The following INPP4B variants were observed in gnomAD, a reference collection of about 807,000 sequenced individuals.
INPP4B encodes the protein inositol polyphosphate 4-phosphatase type II.
A neutral mutation model predicts 122.5 loss-of-function variants in INPP4B; 55 were observed. That is an observed-to-expected ratio of 0.45 (90% CI 0.36 to 0.56). The LOEUF (loss-of-function observed/expected upper bound fraction) is 0.56, where lower values mean the gene tolerates loss of function less well. INPP4B is among the 20% of genes least tolerant of loss of function. The pLI is 0.00. For missense variants in INPP4B, 1,000 were observed against 1,097.7 expected, an observed-to-expected ratio of 0.91 and a Z score of 1.26; for synonymous variants, 403 against 388.7, an observed-to-expected ratio of 1.04 and a Z score of -0.43.
intron 11 of INPP4B, among the ~76,000 whole-genome samples, chr4:142,257,028 C>A (rs1053507724): frequency 6.6e-6 from 1 of 152,126 alleles, no homozygotes; most frequent in African/African-American, 2.4e-5. Context: ...GGTTTCATCC[C>A]TAGGATGCAA....
chr4:142,554,324 A>G (rs570503715), intron 2 of INPP4B, among the ~76,000 whole-genome samples: 97 of 148,732 alleles, frequency 6.5e-4, no homozygotes, highest in Non-Finnish European at 7.5e-4. Flanking sequence ...CTCCTCCACC[A>G]ACTCCATAGT....
intron 2 of INPP4B, among the ~76,000 whole-genome samples, chr4:142,487,375 G>A (rs1270325029): frequency 1.3e-5 from 2 of 152,228 alleles, no homozygotes; most frequent in East Asian, 3.9e-4. Flanking sequence ...AGTAAAATTT[G>A]AAAGTAGAGA....
chr4:142,419,862 C>T (rs1421518061), intron 5 of INPP4B, among the ~76,000 whole-genome samples: 1 of 152,046 alleles, frequency 6.6e-6, no homozygotes, highest in Non-Finnish European at 1.5e-5. Flanking sequence ...GGGGACCTCT[C>T]TCTCTCCCAA....
In INPP4B at chr4:142,251,089, A is replaced by G. The variant is rs562202201; in HGVS notation, c.688+9403T>C. 7.5e-4 allele frequency among the ~76,000 whole-genome samples: 114 copies of G among 152,314 alleles called. 1 individual carries two copies. The highest frequency in any genetic ancestry group is 2.3e-3 in the African/African-American group (96 of 41,566). Reference sequence around the variant, plus strand: ...TGGAGAGGTAAAGATCTATTTTTCAATATGATCTCTGTGTCTCTTCTTCCA... The same window carrying G: ...TGGAGAGGTAAAGATCTATTTTTCAGTATGATCTCTGTGTCTCTTCTTCCA... On this transcript the variant is annotated intron_variant, in intron 11 of 25. Transcript: ENST00000262992.
At chr4:142,555,036 A>G (rs72726448) in intron 2 of INPP4B, among the ~76,000 whole-genome samples, 8,761 of 152,216 alleles carry the variant, frequency 0.058, 312 homozygotes, top group Admixed American at 0.063. Context: ...GATTTAAAAG[A>G]CTGGCCCCCA....
intron 7 of INPP4B, among the ~76,000 whole-genome samples, chr4:142,371,412 A>T (rs1300956861): frequency 2.6e-5 from 4 of 152,174 alleles, no homozygotes; most frequent in Non-Finnish European, 5.9e-5. Flanking sequence ...GCAGAAAGAA[A>T]ATTAGACAAA....
At chr4:142,274,887 AT>A (rs1276797315) in intron 9 of INPP4B, among the ~76,000 whole-genome samples, 1 of 151,816 alleles carries the variant, frequency 6.6e-6, no homozygotes, top group Non-Finnish European at 1.5e-5. Flanking sequence ...CTGCTGCAGT[AT>A]TTCAATCACA....
chr4:142,768,515 G>A (rs1333147049), intron 1 of INPP4B, among the ~76,000 whole-genome samples: 1 of 152,170 alleles, frequency 6.6e-6, no homozygotes, highest in African/African-American at 2.4e-5. Context: ...GAATGGCCAT[G>A]GAGATGACTG....
intron 2 of INPP4B, among the ~76,000 whole-genome samples, chr4:142,478,068 G>A (rs963939611): frequency 7.2e-5 from 11 of 152,158 alleles, no homozygotes; most frequent in African/African-American, 2.7e-4. Flanking sequence ...CTCCCAGTAT[G>A]CTGGGGTTAT....
chr4:142,801,869 GT>G (rs1390257304), intron 1 of INPP4B, among the ~76,000 whole-genome samples: 2 of 152,002 alleles, frequency 1.3e-5, no homozygotes, highest in East Asian at 1.9e-4. Context: ...GTCCTGTCGA[GT>G]TTTTTTTGTA....
At chr4:142,340,791 C>A (rs1778442571) in intron 7 of INPP4B, among the ~76,000 whole-genome samples, 2 of 152,026 alleles carry the variant, frequency 1.3e-5, no homozygotes, top group South Asian at 2.1e-4. Context: ...AGTGACATGA[C>A]TAAAGAGGAA....
intron 21 of INPP4B, among the ~76,000 whole-genome samples, chr4:142,119,181 C>G (rs1455160945): frequency 6.6e-6 from 1 of 152,140 alleles, no homozygotes; most frequent in Non-Finnish European, 1.5e-5. Context: ...AATAGGAACA[C>G]TTTTATACTG....
chr4:142,614,093 A>G (rs936770362), intron 2 of INPP4B, among the ~76,000 whole-genome samples: 9 of 152,120 alleles, frequency 5.9e-5, no homozygotes, highest in Non-Finnish European at 1.3e-4. Flanking sequence ...GCACAGATCA[A>G]TGGAACAGAA....
intron 1 of INPP4B, among the ~76,000 whole-genome samples, chr4:142,765,427 A>C (rs1771966119): frequency 6.6e-6 from 1 of 152,150 alleles, no homozygotes; most frequent in Admixed American, 6.5e-5. Flanking sequence ...CACTCTTTCC[A>C]AATACAGCAC....
At chr4:142,132,669 C>T (rs1801915529) in intron 18 of INPP4B, among the ~76,000 whole-genome samples, 1 of 152,166 alleles carries the variant, frequency 6.6e-6, no homozygotes, top group African/African-American at 2.4e-5. Flanking sequence ...CTCATCCTCT[C>T]TCACCTACTT....
At chr4:142,356,207 C>A (rs911389516) in intron 7 of INPP4B, among the ~76,000 whole-genome samples, 1 of 148,034 alleles carries the variant, frequency 6.8e-6, no homozygotes, top group African/African-American at 2.5e-5. Flanking sequence ...TGGCAGAATA[C>A]CTTTAAAGAT....
intron 1 of INPP4B, among the ~76,000 whole-genome samples, chr4:142,806,841 A>AAGAAAGAG (rs1561091661): frequency 1.3e-5 from 2 of 151,370 alleles, no homozygotes; most frequent in East Asian, 3.9e-4. Flanking sequence ...GAAAGAAAGA[A>AAGAAAGAG]AGAAAGAAAG....
intron 2 of INPP4B, among the ~76,000 whole-genome samples, chr4:142,685,595 T>C (rs1169485769): frequency 6.6e-6 from 1 of 152,034 alleles, no homozygotes; most frequent in African/African-American, 2.4e-5. Flanking sequence ...ATACTTGGTA[T>C]AAATTTAAAT....
chr4:142,281,326 AG>A (rs1325949964), intron 9 of INPP4B, among the ~76,000 whole-genome samples: 1 of 146,356 alleles, frequency 6.8e-6, no homozygotes, highest in Admixed American at 6.8e-5. Context: ...CAGTCTGGAT[AG>A]ATAGCTAAGC....
Sources: allele counts gnomAD v4.1 joint callset (sites outside exome capture counted in the v4.1 genomes callset), GRCh38; gene constraint gnomAD v4.1.1; transcripts MANE v1.5; gene names NCBI Gene and HGNC (gene_info 2026-07-23, HGNC 2026-07-21).